The following DIAPH2 variants were observed in gnomAD, a reference collection of about 807,000 sequenced individuals.
The protein encoded by DIAPH2 is diaphanous related formin 2.
DIAPH2 carries 35 observed loss-of-function variants against 92.7 expected under a neutral mutation model. That is an observed-to-expected ratio of 0.38 (90% CI 0.29 to 0.50). DIAPH2 has a LOEUF of 0.50. DIAPH2 is among the 20% of genes least tolerant of loss of function. The pLI, the probability that DIAPH2 is intolerant of heterozygous loss-of-function variation, is 0.94. For synonymous variants in DIAPH2, 301 were observed against 280.4 expected (o/e 1.07, Z -0.73); for missense variants, 701 against 819.5 (o/e 0.86, Z 1.77).
At chrX:97,245,205 C>G (rs1020440566) in intron 22 of DIAPH2, among the ~76,000 whole-genome samples, 1 of 110,766 alleles carries the variant, frequency 9.0e-6, no homozygotes, top group Non-Finnish European at 1.9e-5. Flanking sequence ...GTGGCATGAT[C>G]ATGACTCACT....
intron 22 of DIAPH2, among the ~76,000 whole-genome samples, chrX:97,184,462 A>T (rs1344376732): frequency 9.0e-6 from 1 of 111,657 alleles, no homozygotes; most frequent in African/African-American, 3.3e-5. Flanking sequence ...AGTGGAGAGG[A>T]GGTTGTAAAG....
intron 19 of DIAPH2, among the ~76,000 whole-genome samples, chrX:97,082,468 A>G (rs1371552711): frequency 1.8e-5 from 2 of 108,585 alleles, no homozygotes; most frequent in Admixed American, 2.0e-4. Context: ...AAAAAAAAAA[A>G]AAAAAATACA....
At chrX:97,010,633 T>C (rs1429487033) in intron 17 of DIAPH2, among the ~76,000 whole-genome samples, 1 of 111,893 alleles carries the variant, frequency 8.9e-6, no homozygotes, top group Non-Finnish European at 1.9e-5. Flanking sequence ...TGGCAGATAG[T>C]GGCTTTCCTA....
intron 26 of DIAPH2, chrX:97,528,721 G>A (rs1224595980): frequency 4.5e-5 from 5 of 111,501 alleles, no homozygotes; most frequent in Non-Finnish European, 9.4e-5. Flanking sequence ...TGAGGTTTGG[G>A]GGATAAACAT....
chrX:97,370,591 T>G (rs746255089), intron 24 of DIAPH2, among the ~76,000 whole-genome samples: 1 of 112,064 alleles, frequency 8.9e-6, no homozygotes, highest in Non-Finnish European at 1.9e-5. Flanking sequence ...GATAATGATA[T>G]TACCCTAAAT....
intron 4 of DIAPH2, among the ~76,000 whole-genome samples, chrX:96,802,233 G>A (rs914796685): frequency 5.4e-5 from 6 of 111,998 alleles, no homozygotes; most frequent in African/African-American, 1.9e-4. Flanking sequence ...TGTAGCTGGG[G>A]TTGGGCACCT....
At chrX:96,721,745 G>C (rs1378856369) in intron 1 of DIAPH2, among the ~76,000 whole-genome samples, 1 of 111,777 alleles carries the variant, frequency 8.9e-6, no homozygotes, top group African/African-American at 3.3e-5. Flanking sequence ...AGGTGTATTT[G>C]CTGCTGGAAC....
intron 4 of DIAPH2, among the ~76,000 whole-genome samples, chrX:96,829,659 A>G (rs2064838647): frequency 9.1e-6 from 1 of 109,893 alleles, no homozygotes; most frequent in South Asian, 3.8e-4. Flanking sequence ...ATGCCCGGCT[A>G]ATTTTTTGTA....
intron 4 of DIAPH2, among the ~76,000 whole-genome samples, chrX:96,787,442 G>A (rs1158032661): frequency 1.8e-5 from 2 of 110,856 alleles, no homozygotes; most frequent in East Asian, 5.7e-4. Context: ...GTGATTAAAA[G>A]TAATTTCAAG....
intron 22 of DIAPH2, among the ~76,000 whole-genome samples, chrX:97,177,989 A>T (rs1249650842): frequency 8.9e-6 from 1 of 111,852 alleles, no homozygotes; most frequent in East Asian, 2.8e-4. Context: ...AGAGCGGATC[A>T]CTTGATCCCA....
chrX:97,323,530 G>T (rs1478178783), intron 23 of DIAPH2, among the ~76,000 whole-genome samples: 1 of 99,654 alleles, frequency 1.0e-5, no homozygotes, highest in African/African-American at 3.7e-5. Context: ...GGCGGAGCTT[G>T]CAGTGAGCCG....
At chrX:97,193,016 T>C (rs1172261705) in intron 22 of DIAPH2, among the ~76,000 whole-genome samples, 4 of 98,932 alleles carry the variant, frequency 4.0e-5, no homozygotes, top group African/African-American at 7.8e-5. Context: ...TCTTTTCTTT[T>C]TTTTTTTTTT....
At chrX:97,287,640 G>A (rs1226048937) in intron 23 of DIAPH2, among the ~76,000 whole-genome samples, 1 of 106,784 alleles carries the variant, frequency 9.4e-6, no homozygotes, top group African/African-American at 3.4e-5. Context: ...AGATGACACA[G>A]TATTAGAGTA....
chrX:97,386,207 G>C (rs902039684), intron 25 of DIAPH2, among the ~76,000 whole-genome samples: 1 of 112,120 alleles, frequency 8.9e-6, no homozygotes, highest in African/African-American at 3.2e-5. Flanking sequence ...AAAAAGCTGT[G>C]TTAAAATAGA....
At chrX:97,511,632 A>C (rs1208696497) in intron 26 of DIAPH2, among the ~76,000 whole-genome samples, 1 of 109,815 alleles carries the variant, frequency 9.1e-6, no homozygotes, top group Non-Finnish European at 1.9e-5. Context: ...TTAGTATGAT[A>C]TTGGCTGTGG....
chrX:97,586,758 G>T (rs1340772083), intron 26 of DIAPH2, among the ~76,000 whole-genome samples: 1 of 111,691 alleles, frequency 9.0e-6, no homozygotes, highest in African/African-American at 3.3e-5. Flanking sequence ...CTAAGGCTTG[G>T]CTGAGTATTT....
chrX:96,725,933 A>G (rs1235913416), intron 1 of DIAPH2, among the ~76,000 whole-genome samples: 2 of 111,977 alleles, frequency 1.8e-5, no homozygotes, highest in Non-Finnish European at 3.8e-5. Flanking sequence ...GGTTATTTGT[A>G]AAAGCTGCTT....
chrX:97,232,748 A>G (rs1363933264), intron 22 of DIAPH2, among the ~76,000 whole-genome samples: 1 of 111,521 alleles, frequency 9.0e-6, no homozygotes, highest in Non-Finnish European at 1.9e-5. Flanking sequence ...TTGTTCCATC[A>G]TTTCTAACCT....
intron 4 of DIAPH2, among the ~76,000 whole-genome samples, chrX:96,825,356 T>TC (rs2064808327): frequency 1.2e-5 from 1 of 83,730 alleles, no homozygotes; most frequent in Admixed American, 1.7e-4. Context: ...TGTGTTTTCT[T>TC]TTTTTTTTTT....
Sources: allele counts gnomAD v4.1 joint callset (sites outside exome capture counted in the v4.1 genomes callset), GRCh38; gene constraint gnomAD v4.1.1; transcripts MANE v1.5; gene names NCBI Gene and HGNC (gene_info 2026-07-23, HGNC 2026-07-21).